The following SLC25A13 variants were observed in gnomAD, a reference collection of about 807,000 sequenced individuals.
SLC25A13 encodes the protein electrogenic aspartate/glutamate antiporter SLC25A13, mitochondrial.
Under a neutral mutation model 85.5 loss-of-function variants are expected in SLC25A13, and 70 were observed. The ratio of observed to expected loss-of-function variants is 0.82; its 90% CI spans 0.68 to 1.00. SLC25A13 has a LOEUF of 1.00. Ranked by LOEUF, SLC25A13 falls within the 50% of genes least tolerant of loss-of-function variation. The pLI is 0.00. For synonymous variants in SLC25A13, 259 were observed against 288.7 expected, an observed-to-expected ratio of 0.90 and a Z score of 1.04; for missense variants, 765 against 819.8, an observed-to-expected ratio of 0.93 and a Z score of 0.82.
intron 3 of SLC25A13, among the ~76,000 whole-genome samples, chr7:96,246,796 T>C (rs2116854162): frequency 6.6e-6 from 1 of 152,272 alleles, no homozygotes; most frequent in Non-Finnish European, 1.5e-5. Flanking sequence ...AAATTATTCA[T>C]GGTGTGGGCA....
intron 3 of SLC25A13, among the ~76,000 whole-genome samples, chr7:96,236,551 A>C (rs1796751693): frequency 6.6e-6 from 1 of 152,234 alleles, no homozygotes; most frequent in Non-Finnish European, 1.5e-5. Context: ...TTGAAGAACA[A>C]ATTTTAAAGC....
chr7:96,138,388 TTTTC>T (rs960826079), intron 14 of SLC25A13, among the ~76,000 whole-genome samples: 3 of 151,890 alleles, frequency 2.0e-5, no homozygotes, highest in Non-Finnish European at 4.4e-5. Flanking sequence ...TGTTGCATTT[TTTTC>T]TTTTTCTTTT....
In SLC25A13 at chr7:96,120,454, T is replaced by C. The variant is rs1380692143; in HGVS notation, c.*737A>G. On this transcript the variant is annotated 3_prime_UTR_variant, in exon 18 of 18. Transcript: ENST00000265631. The stretch of plus-strand genomic sequence containing the variant: ...GTTTATTAAAATAGGCAGTAATCAG[T>C]ACATGTACATCATATGAGCAGTTTT... The C allele has an allele frequency of 2.2e-6, 1 of 454,458 alleles. No homozygotes were observed. The highest frequency in any genetic ancestry group is 4.4e-6 in the Non-Finnish European group (1 of 226,794). 28.2% of individuals were successfully genotyped at this position (454,458 alleles called of 1,614,324 possible).
In SLC25A13 at chr7:96,321,916, C is replaced by T. The variant is rs745587156; in HGVS notation, c.15+26G>A. The T allele has an allele frequency of 7.2e-6, 11 of 1,525,208 alleles. No individual in the cohort carries two copies. In the South Asian group the frequency reaches 8.6e-5, roughly 12 times the overall value. 94.5% of individuals were successfully genotyped at this position (1,525,208 alleles called of 1,614,324 possible). On this transcript the variant is annotated intron_variant, in intron 1 of 17. Coordinates refer to ENST00000265631, the MANE Select transcript of SLC25A13 (RefSeq NM_014251.3). ...CCCAGGCTGATCCGGCAGGCGCGCT[C>T]CCCCCGGCCTCGGGCCCGCGGTTAC...
chr7:96,274,945 T>C (rs1317434579), intron 3 of SLC25A13, among the ~76,000 whole-genome samples: 1 of 152,204 alleles, frequency 6.6e-6, no homozygotes, highest in Non-Finnish European at 1.5e-5. Context: ...GGTAGCATGA[T>C]GCCTCCAGCT....
At chr7:96,152,915 G>A (rs1359399666) in intron 13 of SLC25A13, among the ~76,000 whole-genome samples, 1 of 152,198 alleles carries the variant, frequency 6.6e-6, no homozygotes, top group Admixed American at 6.5e-5. Context: ...GGGAATGAGA[G>A]AGCTGTGTAG....
intron 15 of SLC25A13, among the ~76,000 whole-genome samples, chr7:96,127,759 A>G (rs1293326753): frequency 6.6e-6 from 1 of 152,240 alleles, no homozygotes; most frequent in Non-Finnish European, 1.5e-5. Context: ...TTTATAAGTT[A>G]GAGGCCAACA....
intron 13 of SLC25A13, among the ~76,000 whole-genome samples, chr7:96,156,123 T>C (rs1002567633): frequency 1.2e-4 from 18 of 152,204 alleles, no homozygotes; most frequent in African/African-American, 4.3e-4. Flanking sequence ...GATAAACCAA[T>C]GGATTCAGTG....
chr7:96,191,353 G>T (rs1401584091), intron 6 of SLC25A13, 106 bp from the exon 7 acceptor site: 3 of 1,190,076 alleles, frequency 2.5e-6, no homozygotes, highest in Non-Finnish European at 3.6e-6. Context: ...AAAAATGCAT[G>T]TACAAGAAGA....
intron 1 of SLC25A13, among the ~76,000 whole-genome samples, chr7:96,302,450 T>C (rs1799582705): frequency 1.3e-5 from 2 of 152,146 alleles, no homozygotes; most frequent in South Asian, 4.1e-4. Context: ...GTATTCAAAA[T>C]AGTTGTCAGA....
intron 3 of SLC25A13, among the ~76,000 whole-genome samples, chr7:96,246,190 T>A (rs563167380): frequency 6.6e-6 from 1 of 152,222 alleles, no homozygotes; most frequent in East Asian, 1.9e-4. Flanking sequence ...AGTTTGATCA[T>A]TCCCTTGATT....
chr7:96,210,002 T>C (rs1795627453), intron 4 of SLC25A13, among the ~76,000 whole-genome samples: 2 of 152,204 alleles, frequency 1.3e-5, no homozygotes, highest in Admixed American at 1.3e-4. Flanking sequence ...TTTAGTCCTC[T>C]GAAAAGTGCC....
intron 2 of SLC25A13, among the ~76,000 whole-genome samples, chr7:96,291,603 C>T (rs980289493): frequency 6.6e-6 from 1 of 152,110 alleles, no homozygotes; most frequent in South Asian, 2.1e-4. Flanking sequence ...GATATCTCCA[C>T]CGATCCCACA....
At chr7:96,285,885 C>T (rs1055888378) in intron 2 of SLC25A13, among the ~76,000 whole-genome samples, 9 of 152,286 alleles carry the variant, frequency 5.9e-5, no homozygotes, top group African/African-American at 7.2e-5. Flanking sequence ...AACAGAAAAA[C>T]GCATGTCGTT....
intron 5 of SLC25A13, among the ~76,000 whole-genome samples, chr7:96,203,530 C>T (rs993252249): frequency 1.3e-5 from 2 of 152,274 alleles, no homozygotes; most frequent in Middle Eastern, 3.4e-3. Flanking sequence ...ACACCAACAA[C>T]CTAAGGTGAC....
chr7:96,186,690 A>T (rs527964635), intron 9 of SLC25A13, among the ~76,000 whole-genome samples: 1 of 152,348 alleles, frequency 6.6e-6, no homozygotes, highest in East Asian at 1.9e-4. Flanking sequence ...TTAAATGTTC[A>T]CAAGGAATTA....
At chr7:96,255,949 C>A (rs1045639914) in intron 3 of SLC25A13, among the ~76,000 whole-genome samples, 1 of 152,092 alleles carries the variant, frequency 6.6e-6, no homozygotes, top group Non-Finnish European at 1.5e-5. Context: ...TAATTTTCAA[C>A]CCAGAATTTC....
At position 96,129,386 on chromosome 7, in the gene SLC25A13, C is replaced by G. The variant is rs150875687; in HGVS notation, c.1591+2357G>C. 5.9e-5 allele frequency among the ~76,000 whole-genome samples: 9 copies of G among 152,146 alleles called. No individual in the cohort carries two copies. The East Asian group carries it at 1.7e-3, about 29-fold the overall frequency. On this transcript the variant is annotated intron_variant, in intron 15 of 17. Transcript: ENST00000265631. ...ACAGGGATGCCAACTACTTAAAACT[C>G]TCAAGAATAATGGGTCAATGACCGA... is the stretch of plus-strand genomic sequence containing the variant.
chr7:96,252,466 A>G (rs1797470016), intron 3 of SLC25A13, among the ~76,000 whole-genome samples: 1 of 152,186 alleles, frequency 6.6e-6, no homozygotes, highest in South Asian at 2.1e-4. Flanking sequence ...TGAGGGGCCT[A>G]TTAGGTACGC....
Sources: gnomAD v4.1 joint callset for allele counts (sites outside exome capture counted in the v4.1 genomes callset) on GRCh38, gnomAD v4.1.1 for gene constraint, MANE v1.5 for transcripts, NCBI Gene and HGNC (gene_info 2026-07-23, HGNC 2026-07-21) for gene names.